The following QRICH2 variants were observed in gnomAD, a reference collection of about 807,000 sequenced individuals.
The protein encoded by QRICH2 is glutamine-rich protein 2.
In QRICH2, 119 loss-of-function variants were observed where a neutral mutation model predicts 168.3. That is an observed-to-expected ratio of 0.71 (90% confidence interval 0.61 to 0.82). QRICH2 has a LOEUF of 0.82. Among genes scored for constraint, QRICH2 ranks in the 40% least tolerant of loss-of-function variants. The pLI, the probability that QRICH2 is intolerant of heterozygous loss-of-function variation, is 0.00. For synonymous variants in QRICH2, 894 were observed against 951.2 expected (o/e 0.94, Z 1.11); for missense variants, 2,241 against 2,491.6 (o/e 0.90, Z 2.14).
chr17:76,282,011 C>G lies in QRICH2; in HGVS notation c.4116G>C (p.Gln1372His), dbSNP rs765195478. The change falls in exon 8 of 19, where the codon CAG (glutamine) becomes CAC (histidine). Residue 1372 changes from glutamine to histidine, a missense_variant. Transcript: ENST00000680821. Reference sequence around the variant, plus strand: ...CTGGACAGGTGGCCTCAGGGTCGATCTGGCCAGGAGCCAAGGTGTGGGCCT... The same window carrying G: ...CTGGACAGGTGGCCTCAGGGTCGATGTGGCCAGGAGCCAAGGTGTGGGCCT... ...PHKAHTLAPG[Q>H]IDPEATCPAC... 6.2e-7 allele frequency: 1 copy of G among 1,613,554 alleles called. No homozygotes were observed. Among genetic ancestry groups the G allele is most frequent in the South Asian group, 1.1e-5 (1 of 90,996 alleles).
rs2071011441 is a variant in QRICH2 at position 76,307,626 on chromosome 17, G to A, written c.373C>T (p.Gln125Ter). 2 of 1,511,488 alleles carry A rather than the reference G, an allele frequency of 1.3e-6. No individual in the cohort carries two copies. The highest frequency in any genetic ancestry group is 1.4e-5 in the African/African-American group (1 of 72,384). 93.6% of individuals were successfully genotyped at this position (1,511,488 alleles called of 1,614,324 possible). Residue 125 changes from glutamine (Q) to a stop codon, truncating the protein, a stop_gained, in exon 1 of 19, where the codon CAG becomes TAG. Coordinates refer to ENST00000680821, the MANE Select transcript of QRICH2 (RefSeq NM_001388453.1). LOFTEE classifies it high-confidence loss of function. The surrounding 1 kb of genome is among the most constrained non-coding windows in gnomAD (Gnocchi z 5.3). ...KQLKRVDGQV[Q>*]GIATHVQHFS... ...TGCTGCACGTGCGTGGCGATGCCCT[G>A]CACCTGGCCGTCCACACGCTTGAGC...
In QRICH2 at chr17:76,281,070, C is replaced by T. The variant is rs968133850; in HGVS notation, c.4264-117G>A. 7.9e-6 allele frequency: 11 copies of T among 1,400,188 alleles called. No individual in the cohort carries two copies. The highest frequency in any genetic ancestry group is 2.2e-5 in the Admixed American group (1 of 45,030). The allele number at this position is 1,400,188 out of a possible 1,614,324, so 86.7% of individuals were successfully genotyped here. On this transcript the variant is annotated intron_variant, in intron 8 of 18. Transcript: ENST00000680821. This position sits in a 1 kb window ranked among gnomAD's most constrained non-coding sequence, Gnocchi z 4.4. Reference sequence around the variant, plus strand: ...CTTAAAACATCTGCAAGGCTGGGAGCGGTGGCTCATGCCTGTAGTCCTGGC... The same window carrying T: ...CTTAAAACATCTGCAAGGCTGGGAGTGGTGGCTCATGCCTGTAGTCCTGGC...
At chr17:76,276,131 C>CACCCCCCCCACCCCCCCA (rs111375686) in intron 17 of QRICH2, among the ~76,000 whole-genome samples, 184 bp from the exon 18 acceptor site, 2 of 140,298 alleles carry the variant, frequency 1.4e-5, no homozygotes, top group African/African-American at 5.7e-5. Context: ...TTCTCGTGGC[C>CACCCCCCCCACCCCCCCA]ACCCACCCAC....
At chr17:76,304,650 C>T in intron 2 of QRICH2, 125 bp from the exon 3 acceptor site, 3 of 753,402 alleles carry the variant, frequency 4.0e-6, no homozygotes, top group Non-Finnish European at 4.5e-6. Flanking sequence ...GAGAATTCAT[C>T]ACCCTTCAAG....
In QRICH2 at chr17:76,292,744, T is replaced by C. The variant is rs751959169; in HGVS notation, c.1983A>G (p.Val661=). The C allele has an allele frequency of 6.2e-7, 1 of 1,612,130 alleles. No individual in the cohort carries two copies. Among genetic ancestry groups the C allele is most frequent in the African/African-American group, 1.3e-5 (1 of 74,304 alleles). ...TGCCAGGCTGATCTACACCAGGCTG[T>C]ACCAAGACACCCTGACCTGTGCCAG... ...VQSGTGQGVL[V]QPGVDQPGMV... The change falls in exon 4 of 19, where the codon GTA becomes GTG. Residue 661 remains valine, a synonymous_variant. Coordinates refer to ENST00000680821, the MANE Select transcript of QRICH2 (RefSeq NM_001388453.1).
chr17:76,285,782 G>A (rs1483814789), intron 7 of QRICH2, among the ~76,000 whole-genome samples: 2 of 151,876 alleles, frequency 1.3e-5, no homozygotes, highest in Admixed American at 6.6e-5. Context: ...CCAGGAGTTG[G>A]AGATTGCAGT....
At chr17:76,297,868 C>CTTTTTTTTTTTTTT (rs1344325680) in intron 3 of QRICH2, among the ~76,000 whole-genome samples, 1 of 95,974 alleles carries the variant, frequency 1.0e-5, no homozygotes, top group Non-Finnish European at 2.0e-5. Flanking sequence ...ACTTAGGAAT[C>CTTTTTTTTTTTTTT]TGTTTTTTTT....
Position 76,304,393 on chromosome 17 carries a change from G to A in QRICH2, c.705+22C>T, listed in dbSNP as rs748439188. On this transcript the variant is annotated intron_variant, in intron 3 of 18. Transcript: ENST00000680821. ...CTGGGGAGCCCCACCCAAGACCACGGCCCAGGCCCCCACTGGTTCACCGCT... is the reference window on the plus strand; with the variant it reads ...CTGGGGAGCCCCACCCAAGACCACGACCCAGGCCCCCACTGGTTCACCGCT... 1.6e-5 allele frequency: 25 copies of A among 1,556,978 alleles called. No individual in the cohort carries two copies. In the South Asian group the frequency reaches 2.2e-4, roughly 14 times the overall value.
chr17:76,295,085 T>C (rs1223876727), intron 3 of QRICH2, among the ~76,000 whole-genome samples: 17 of 147,710 alleles, frequency 1.2e-4, no homozygotes, highest in African/African-American at 3.1e-4. Context: ...AATAAATAAA[T>C]AAATAAATAA....
intron 3 of QRICH2, among the ~76,000 whole-genome samples, chr17:76,303,829 C>T (rs996432851): frequency 6.8e-6 from 1 of 146,058 alleles, no homozygotes; most frequent in Admixed American, 7.0e-5. Flanking sequence ...GCCGAGATCG[C>T]GCCACTGCAC....
chr17:76,291,892 A>T lies in QRICH2; in HGVS notation c.2835T>A (p.Gly945=), dbSNP rs775351362. ...GAYPLGLVQP[G]AYLHDLSQSG... is the part of the protein sequence containing the mutation. ...ATTGAGATAAATCATGCAAATATGC[A>T]CCAGGTTGTACCAAACCAAGAGGAT... The change falls in exon 4 of 19, where the codon GGT becomes GGA. Residue 945 remains glycine, a synonymous_variant. Transcript: ENST00000680821. 6.2e-7 allele frequency: 1 copy of T among 1,614,194 alleles called. No individual in the cohort carries two copies. Among genetic ancestry groups the T allele is most frequent in the South Asian group, 1.1e-5 (1 of 91,082 alleles).
intron 7 of QRICH2, among the ~76,000 whole-genome samples, chr17:76,286,792 T>C (rs1340438827): frequency 1.3e-5 from 2 of 151,064 alleles, no homozygotes; most frequent in Non-Finnish European, 2.9e-5. Context: ...GGAGAATTGC[T>C]TGAACCTGGG....
At chr17:76,276,980 G>A (rs952694128) in intron 16 of QRICH2, among the ~76,000 whole-genome samples, 183 bp downstream of exon 16, 8 of 152,252 alleles carry the variant, frequency 5.3e-5, no homozygotes, top group African/African-American at 1.9e-4. Context: ...TGGGCAGGCA[G>A]GTGGCCGGGG....
At position 76,307,505 on chromosome 17, in the gene QRICH2, C is replaced by T; in HGVS notation, c.494G>A (p.Ser165Asn). The change falls in exon 1 of 19, where the codon AGT (serine) becomes AAT (asparagine). Residue 165 changes from serine to asparagine, a missense_variant. By Grantham distance (46) the Ser-to-Asn change is conservative. Coordinates refer to ENST00000680821, the MANE Select transcript of QRICH2 (RefSeq NM_001388453.1). This position sits in a 1 kb window ranked among gnomAD's most constrained non-coding sequence, Gnocchi z 5.3. ...CTCCTCGGCGGCGTCCTTCATGATA[C>T]TCCCAGTCCGCACCCTATCGAACGC... ...VRAFDRVRTG[S>N]IMKDAAEELS... The T allele has an allele frequency of 6.2e-7, 1 of 1,613,782 alleles. No individual in the cohort carries two copies. Among genetic ancestry groups the T allele is most frequent in the Non-Finnish European group, 8.5e-7 (1 of 1,179,806 alleles).
chr17:76,291,740 G>A lies in QRICH2; in HGVS notation c.2987C>T (p.Ala996Val). 6.2e-7 allele frequency: 1 copy of A among 1,614,184 alleles called. No individual in the cohort carries two copies. Among genetic ancestry groups the A allele is most frequent in the Non-Finnish European group, 8.5e-7 (1 of 1,180,036 alleles). Reference protein sequence around the residue: ...TKLRGSSTFQADSTGFISVRP... With the variant: ...TKLRGSSTFQVDSTGFISVRP... ...TACTGATATAAAACCTGTAGAATCT[G>A]CCTGGAATGTTGAAGAGCCACGAAG... Residue 996 changes from alanine (A) to valine (V), a missense_variant, in exon 4 of 19, where the codon GCA becomes GTA. Ala to Val is a moderately conservative substitution (Grantham distance 64, BLOSUM62 0). This residue lies in a region of QRICH2 where 2,047 missense variants were observed against 2,303.8 expected (regional missense o/e 0.89). Transcript: ENST00000680821.
At chr17:76,302,176 C>G (rs2585747) in intron 3 of QRICH2, among the ~76,000 whole-genome samples, 72,199 of 151,682 alleles carry the variant, frequency 0.48, 20,587 homozygotes, top group African/African-American at 0.79. Context: ...GGGATTCCAG[C>G]TGTGAGCCAC....
intron 3 of QRICH2, among the ~76,000 whole-genome samples, chr17:76,294,667 G>A (rs2070766016): frequency 6.6e-6 from 1 of 151,536 alleles, no homozygotes. Flanking sequence ...ACAAAAATTA[G>A]CTGGGTGTGA....
At position 76,276,465 on chromosome 17, in the gene QRICH2, A is replaced by C. The variant is rs555021573; in HGVS notation, c.5353+215T>G. 2.6e-5 allele frequency among the ~76,000 whole-genome samples: 4 copies of C among 152,252 alleles called. No individual in the cohort carries two copies. In the South Asian group the frequency reaches 8.3e-4, roughly 32 times the overall value. ...GAGGCTGGCAAGAAAACACGGGGCC[A>C]CCCCATCCCAGCTGATGGCTGAGGC... On this transcript the variant is annotated intron_variant, in intron 17 of 18. Transcript: ENST00000680821.
At chr17:76,277,141 T>C (rs1158677394) in intron 16 of QRICH2, 22 bp downstream of exon 16, 1 of 1,529,740 alleles carries the variant, frequency 6.5e-7, no homozygotes, top group South Asian at 1.3e-5. Flanking sequence ...CCCTCCCTGG[T>C]GGCTCCAGGC....
Sources: gnomAD v4.1 joint callset for allele counts (sites outside exome capture counted in the v4.1 genomes callset) on GRCh38, gnomAD v4.1.1 for gene constraint, gnomAD v4.1.1 regional missense constraint, Gnocchi (gnomAD v3.1) non-coding constraint, MANE v1.5 for transcripts, NCBI Gene and HGNC (gene_info 2026-07-23, HGNC 2026-07-21) for gene names.